The following PIP4K2A variants were observed in gnomAD, a reference collection of about 807,000 sequenced individuals.
PIP4K2A encodes the protein phosphatidylinositol-5-phosphate 4-kinase type 2 alpha.
Under a neutral mutation model 42.9 loss-of-function variants are expected in PIP4K2A, and 14 were observed. That is an observed-to-expected ratio of 0.33 (90% CI 0.22 to 0.51). The LOEUF is 0.51. Among genes scored for constraint, PIP4K2A ranks in the 20% least tolerant of loss-of-function variants. The probability of loss-of-function intolerance (pLI) is 0.97; values close to 1 mark genes in which losing one functional copy is unlikely to be tolerated. For missense variants in PIP4K2A, 434 were observed against 519.8 expected (o/e 0.83, Z 1.61); for synonymous variants, 192 against 192.2 (o/e 1.00, Z 0.01).
intron 1 of PIP4K2A, among the ~76,000 whole-genome samples, chr10:22,664,030 T>TACATATATATATATAC (rs1298064073): frequency 2.6e-5 from 3 of 116,716 alleles, no homozygotes; most frequent in African/African-American, 1.2e-4. Flanking sequence ...TCCATATATA[T>TACATATATATATATAC]ACATATATAT....
chr10:22,573,584 A>T, intron 4 of PIP4K2A, 127 bp from the exon 5 acceptor site: 1 of 715,564 alleles, frequency 1.4e-6, no homozygotes, highest in Non-Finnish European at 2.3e-6. Flanking sequence ...TCTTATTTAC[A>T]GAAAATGACC....
rs1382845076 is a variant in PIP4K2A at position 22,535,912 on chromosome 10, T to C, written c.*1289A>G. ...GAGGAAAAAAAAATCCTTTTCCTTT[T>C]ATTGTGAAAGACTGTCTACCATGTA... On this transcript the variant is annotated 3_prime_UTR_variant, in exon 10 of 10. Coordinates refer to ENST00000376573, the MANE Select transcript of PIP4K2A (RefSeq NM_005028.5). 1 of 389,208 alleles carries C rather than the reference T, an allele frequency of 2.6e-6. No individual in the cohort carries two copies. Among genetic ancestry groups the C allele is most frequent in the Non-Finnish European group, 4.5e-6 (1 of 220,494 alleles). 24.1% of individuals were successfully genotyped at this position (389,208 alleles called of 1,614,324 possible).
intron 1 of PIP4K2A, among the ~76,000 whole-genome samples, chr10:22,621,645 C>G (rs563284995): frequency 6.6e-6 from 1 of 152,282 alleles, no homozygotes; most frequent in South Asian, 2.1e-4. Flanking sequence ...CTGGGTACCC[C>G]AGATAACCAC....
intron 1 of PIP4K2A, chr10:22,694,493 G>A (rs977305516): frequency 3.9e-5 from 6 of 152,192 alleles, no homozygotes; most frequent in Admixed American, 3.3e-4. Context: ...CAGTTCTCTT[G>A]TGGCAAAATA....
At chr10:22,551,390 C>T (rs1026126121) in intron 6 of PIP4K2A, among the ~76,000 whole-genome samples, 1 of 152,168 alleles carries the variant, frequency 6.6e-6, no homozygotes, top group African/African-American at 2.4e-5. Flanking sequence ...AAAGGGTCTT[C>T]TCTTAACATA....
chr10:22,575,140 A>G (rs1588636117), intron 4 of PIP4K2A, among the ~76,000 whole-genome samples: 1 of 152,356 alleles, frequency 6.6e-6, no homozygotes, highest in East Asian at 1.9e-4. Context: ...TACAGGTAAG[A>G]GTATGTCAAA....
intron 5 of PIP4K2A, among the ~76,000 whole-genome samples, chr10:22,571,566 G>A (rs1836988741): frequency 6.6e-6 from 1 of 152,158 alleles, no homozygotes; most frequent in African/African-American, 2.4e-5. Flanking sequence ...TGCATGCCTT[G>A]GCAAAATCAC....
chr10:22,545,151 C>T (rs563946507), intron 7 of PIP4K2A, among the ~76,000 whole-genome samples: 53 of 152,314 alleles, frequency 3.5e-4, no homozygotes, highest in East Asian at 7.7e-4. Context: ...CTTCCCTATC[C>T]GTCCCAACTC....
intron 1 of PIP4K2A, among the ~76,000 whole-genome samples, chr10:22,611,883 A>G (rs144864695): frequency 3.5e-3 from 531 of 152,294 alleles, no homozygotes; most frequent in African/African-American, 0.012. Context: ...GCGAAACCCA[A>G]CGTGGAGGTG....
intron 4 of PIP4K2A, among the ~76,000 whole-genome samples, chr10:22,573,950 T>C (rs1837050043): frequency 6.6e-6 from 1 of 152,220 alleles, no homozygotes; most frequent in African/African-American, 2.4e-5. Flanking sequence ...GCTAAGCTTC[T>C]CAAGAGAGCA....
At chr10:22,597,449 T>C (rs1192683054) in intron 3 of PIP4K2A, among the ~76,000 whole-genome samples, 1 of 152,182 alleles carries the variant, frequency 6.6e-6, no homozygotes, top group Non-Finnish European at 1.5e-5. Flanking sequence ...GGTCTGAGAA[T>C]TGTCGGAGGT....
rs544841154 is a variant in PIP4K2A, at chr10:22,573,981, T to C, written c.493-524A>G. Among the ~76,000 whole-genome samples, 3 of 152,376 alleles carry C rather than the reference T, an allele frequency of 2.0e-5. No homozygotes were observed. The South Asian group carries it at 6.2e-4, about 32-fold the overall frequency. ...GAGCAGGGGAGAAGGGGGCAACCCC[T>C]GTGACCATAGCACCCTCGCTCCTGC... On this transcript the variant is annotated intron_variant, in intron 4 of 9. Coordinates refer to ENST00000376573, the MANE Select transcript of PIP4K2A (RefSeq NM_005028.5).
chr10:22,624,455 G>C (rs1169494967), intron 1 of PIP4K2A, among the ~76,000 whole-genome samples: 1 of 152,174 alleles, frequency 6.6e-6, no homozygotes, highest in Non-Finnish European at 1.5e-5. Context: ...TTGCATCAAA[G>C]TAAAGATGAT....
intron 5 of PIP4K2A, among the ~76,000 whole-genome samples, chr10:22,572,232 A>G (rs1054300663): frequency 1.3e-5 from 2 of 152,224 alleles, no homozygotes; most frequent in Admixed American, 6.5e-5. Context: ...TCTCTGCGGT[A>G]ACTACCAAAC....
chr10:22,605,432 G>A (rs116462013), intron 3 of PIP4K2A, among the ~76,000 whole-genome samples: 1,894 of 152,208 alleles, frequency 0.012, 53 homozygotes, highest in African/African-American at 0.044. Context: ...ATCAACTTAC[G>A]TAGTTTTCTT....
chr10:22,590,596 G>C (rs1328413866), intron 4 of PIP4K2A, among the ~76,000 whole-genome samples: 1 of 152,168 alleles, frequency 6.6e-6, no homozygotes, highest in African/African-American at 2.4e-5. Context: ...GGGTGTGGAG[G>C]CTCACACCTG....
intron 1 of PIP4K2A, among the ~76,000 whole-genome samples, chr10:22,666,239 T>C (rs190545910): frequency 4.6e-5 from 7 of 152,350 alleles, no homozygotes; most frequent in African/African-American, 1.7e-4. Flanking sequence ...TCTTCCACCA[T>C]GAATTTCAAA....
chr10:22,594,400 T>C (rs1160592910), intron 3 of PIP4K2A, among the ~76,000 whole-genome samples: 1 of 152,210 alleles, frequency 6.6e-6, no homozygotes, highest in African/African-American at 2.4e-5. Flanking sequence ...CAGGGTTTTT[T>C]ATTTTTATTT....
At chr10:22,565,371 A>C (rs1466170824) in intron 6 of PIP4K2A, among the ~76,000 whole-genome samples, 1 of 152,232 alleles carries the variant, frequency 6.6e-6, no homozygotes, top group Non-Finnish European at 1.5e-5. Flanking sequence ...TTTTATGGAC[A>C]TTTATTAGTT....
Sources: gnomAD v4.1 joint callset for allele counts (sites outside exome capture counted in the v4.1 genomes callset) on GRCh38, gnomAD v4.1.1 for gene constraint, MANE v1.5 for transcripts, NCBI Gene and HGNC (gene_info 2026-07-23, HGNC 2026-07-21) for gene names.